Variants in GFRA2 observed in about 807,000 individuals in gnomAD.
The protein encoded by GFRA2 is GDNF family receptor alpha 2.
GFRA2 carries 17 observed loss-of-function variants against 48.3 expected under a neutral mutation model. That is an observed-to-expected ratio of 0.35 (90% CI 0.24 to 0.53). The LOEUF (loss-of-function observed/expected upper bound fraction) is 0.53. Among genes scored for constraint, GFRA2 ranks in the 20% least tolerant of loss-of-function variants. GFRA2 has a pLI of 0.93. For missense variants in GFRA2, 660 were observed against 637.3 expected, an observed-to-expected ratio of 1.04 and a Z score of -0.38; for synonymous variants, 305 against 257.2, an observed-to-expected ratio of 1.19 and a Z score of -1.78.
chr8:21,782,951 C>A, intron 1 of GFRA2, 52 bp from the exon 2 acceptor site: 2 of 1,488,170 alleles, frequency 1.3e-6, no homozygotes, highest in Admixed American at 2.0e-5. Context: ...CACAATCTCC[C>A]ACCCAAGATG....
intron 4 of GFRA2, among the ~76,000 whole-genome samples, chr8:21,707,513 A>G (rs1802807625): frequency 6.6e-6 from 1 of 152,020 alleles, no homozygotes; most frequent in African/African-American, 2.4e-5. Context: ...GTTTCTCTGG[A>G]GGCCCCCGCG....
At chr8:21,763,521 T>G (rs1056556494) in intron 3 of GFRA2, among the ~76,000 whole-genome samples, 1 of 152,130 alleles carries the variant, frequency 6.6e-6, no homozygotes, top group Non-Finnish European at 1.5e-5. Context: ...GCGGTCTGTC[T>G]GCACAACACT....
chr8:21,757,245 A>G (rs1432159593), intron 3 of GFRA2, among the ~76,000 whole-genome samples: 1 of 152,138 alleles, frequency 6.6e-6, no homozygotes, highest in Non-Finnish European at 1.5e-5. Context: ...CACCCAGCCC[A>G]GCCTCTCCTG....
chr8:21,739,523 G>C (rs1004891679), intron 4 of GFRA2, among the ~76,000 whole-genome samples: 4 of 152,188 alleles, frequency 2.6e-5, no homozygotes, highest in African/African-American at 9.6e-5. Flanking sequence ...AGAGAACCCT[G>C]AGATAACAGG....
intron 4 of GFRA2, among the ~76,000 whole-genome samples, chr8:21,736,520 A>T (rs1804471855): frequency 6.6e-6 from 1 of 151,912 alleles, no homozygotes; most frequent in South Asian, 2.1e-4. Flanking sequence ...TTTCAGAGAC[A>T]GGGTCTCACT....
At chr8:21,719,658 T>C (rs963810448) in intron 4 of GFRA2, among the ~76,000 whole-genome samples, 3 of 152,230 alleles carry the variant, frequency 2.0e-5, no homozygotes, top group Non-Finnish European at 4.4e-5. Flanking sequence ...AGAGTGTGGT[T>C]AGCCTTGAGC....
chr8:21,700,521 G>T (rs1199648167), intron 7 of GFRA2, among the ~76,000 whole-genome samples: 1 of 152,202 alleles, frequency 6.6e-6, no homozygotes, highest in Non-Finnish European at 1.5e-5. Flanking sequence ...AGATTTGGAG[G>T]AGGAGGAACC....
chr8:21,742,918 T>G (rs1388079487), intron 4 of GFRA2, among the ~76,000 whole-genome samples: 1 of 152,166 alleles, frequency 6.6e-6, no homozygotes, highest in Non-Finnish European at 1.5e-5. Context: ...AGGTGAAGGC[T>G]CTGTGCAGCC....
intron 1 of GFRA2, among the ~76,000 whole-genome samples, chr8:21,787,724 A>G (rs1208625019): frequency 6.6e-6 from 1 of 152,174 alleles, no homozygotes; most frequent in African/African-American, 2.4e-5. Context: ...CTCCCCGCCT[A>G]GGAGCCTCTC....
At chr8:21,771,670 C>G (rs886888519) in intron 3 of GFRA2, among the ~76,000 whole-genome samples, 2 of 152,152 alleles carry the variant, frequency 1.3e-5, no homozygotes, top group African/African-American at 4.8e-5. Context: ...CAGGAGGCCC[C>G]TATAACAGGG....
intron 2 of GFRA2, among the ~76,000 whole-genome samples, chr8:21,804,592 G>A (rs185470727): frequency 5.8e-4 from 88 of 152,206 alleles, no homozygotes; most frequent in African/African-American, 2.0e-3. Flanking sequence ...ACAACAACCA[G>A]AGGTGGGCCC....
chr8:21,808,282 C>T (rs1030564085), intron 1 of GFRA2, among the ~76,000 whole-genome samples: 5 of 152,162 alleles, frequency 3.3e-5, no homozygotes, highest in South Asian at 2.1e-4. Flanking sequence ...CTCCCAAATC[C>T]TAATGGCTCT....
intron 4 of GFRA2, chr8:21,706,270 G>GA: frequency 1.5e-6 from 1 of 650,970 alleles, no homozygotes; most frequent in South Asian, 1.5e-5. Context: ...TGCGGCTTAA[G>GA]AAAAACCCAG....
At chr8:21,714,669 G>A (rs762129391) in intron 4 of GFRA2, among the ~76,000 whole-genome samples, 22 of 152,134 alleles carry the variant, frequency 1.4e-4, no homozygotes, top group African/African-American at 2.2e-4. Context: ...TGTGTCAGGC[G>A]CTATTATCTC....
intron 4 of GFRA2, among the ~76,000 whole-genome samples, chr8:21,746,580 G>C (rs1393274976): frequency 6.6e-6 from 1 of 152,034 alleles, no homozygotes; most frequent in African/African-American, 2.4e-5. Context: ...CTGCTTGTGG[G>C]CCCTGGAGTC....
At chr8:21,800,473 G>A (rs1807750615) in intron 2 of GFRA2, among the ~76,000 whole-genome samples, 2 of 152,244 alleles carry the variant, frequency 1.3e-5, no homozygotes, top group African/African-American at 4.8e-5. Flanking sequence ...CCAGTCGCTT[G>A]GAGTGGCACA....
In GFRA2 at chr8:21,766,746, C is replaced by T. The variant is rs181701177; in HGVS notation, c.439+8226G>A. ...GCCGCTCTGGCCCCTCCCTCCCTGTCCCTCCTTCCGTCCTGTCCCTTCAGA... is the reference window on the plus strand; with the variant it reads ...GCCGCTCTGGCCCCTCCCTCCCTGTTCCTCCTTCCGTCCTGTCCCTTCAGA... On this transcript the variant is annotated intron_variant, in intron 3 of 8. Coordinates refer to ENST00000524240, the MANE Select transcript of GFRA2 (RefSeq NM_001495.5). Among the ~76,000 whole-genome samples, 508 of 147,092 alleles carry T rather than the reference C, an allele frequency of 3.5e-3. 8 individuals carry two copies. The highest frequency in any genetic ancestry group is 0.012 in the African/African-American group (470 of 38,366).
intron 4 of GFRA2, among the ~76,000 whole-genome samples, chr8:21,733,451 A>G (rs1166851862): frequency 1.3e-5 from 2 of 152,186 alleles, no homozygotes; most frequent in East Asian, 3.9e-4. Flanking sequence ...GTAGAAACCC[A>G]TAGTCCCACC....
chr8:21,693,198 T>A lies in GFRA2; in HGVS notation c.*80A>T. On this transcript the variant is annotated 3_prime_UTR_variant, in exon 9 of 9. Transcript: ENST00000524240. ...TTTTTTTTTGCAAGGTGTGTGTGTG[T>A]CTGTGTGTGTTTCCATTTCGTCAGG... The A allele has an allele frequency of 7.0e-7, 1 of 1,423,170 alleles. No homozygotes were observed. Among genetic ancestry groups the A allele is most frequent in the Non-Finnish European group, 9.6e-7 (1 of 1,043,578 alleles). 88.2% of individuals were successfully genotyped at this position (1,423,170 alleles called of 1,614,324 possible).
Sources: gnomAD v4.1 joint callset for allele counts (sites outside exome capture counted in the v4.1 genomes callset) on GRCh38, gnomAD v4.1.1 for gene constraint, MANE v1.5 for transcripts, NCBI Gene and HGNC (gene_info 2026-07-23, HGNC 2026-07-21) for gene names.